Variants in XXYLT1 observed in about 807,000 individuals in gnomAD.
The protein encoded by XXYLT1 is xyloside xylosyltransferase 1.
A neutral mutation model predicts 28.9 loss-of-function variants in XXYLT1; 20 were observed. The observed-to-expected ratio is 0.69, with a 90% CI of 0.49 to 1.00. The LOEUF is 1.00. Among genes scored for constraint, XXYLT1 ranks in the 50% least tolerant of loss-of-function variants. XXYLT1 has a pLI of 0.00. For missense variants in XXYLT1, 542 were observed against 560.1 expected, an observed-to-expected ratio of 0.97 and a Z score of 0.33; for synonymous variants, 257 against 253.8, an observed-to-expected ratio of 1.01 and a Z score of -0.12.
rs557315023 is a variant in XXYLT1, at chr3:195,080,503, C to G, written c.786-10392G>C. Among the ~76,000 whole-genome samples, 19 of 150,982 alleles carry G rather than the reference C, an allele frequency of 1.3e-4. No individual in the cohort carries two copies. In the South Asian group the frequency reaches 3.8e-3, roughly 30 times the overall value. The stretch of plus-strand genomic sequence containing the variant: ...CCAGCTGGGCAGCCAGGCCCCAGCT[C>G]AGCTCCACAACCCTCCTCTTTCCCT... On this transcript the variant is annotated intron_variant, in intron 3 of 3. Transcript: ENST00000310380.
At chr3:195,155,751 C>A (rs1226455707) in intron 3 of XXYLT1, among the ~76,000 whole-genome samples, 1 of 151,928 alleles carries the variant, frequency 6.6e-6, no homozygotes, top group Non-Finnish European at 1.5e-5. Flanking sequence ...CTAAAGGTTC[C>A]AGTTTGGTTT....
chr3:195,138,510 A>G (rs1719312540), intron 3 of XXYLT1, among the ~76,000 whole-genome samples: 1 of 152,138 alleles, frequency 6.6e-6, no homozygotes, highest in African/African-American at 2.4e-5. Flanking sequence ...GAGAGGCTTT[A>G]TGGAACTGGC....
chr3:195,102,585 T>C (rs1331134543), intron 3 of XXYLT1, among the ~76,000 whole-genome samples: 1 of 152,226 alleles, frequency 6.6e-6, no homozygotes, highest in Non-Finnish European at 1.5e-5. Flanking sequence ...TTAGCAATAA[T>C]GTCCTCCAAG....
chr3:195,070,630 G>A (rs1714750212), intron 3 of XXYLT1, among the ~76,000 whole-genome samples: 1 of 152,200 alleles, frequency 6.6e-6, no homozygotes, highest in African/African-American at 2.4e-5. Context: ...AAAGGAGAAG[G>A]GAGAGAGAAG....
intron 3 of XXYLT1, among the ~76,000 whole-genome samples, chr3:195,099,232 A>C (rs2108674293): frequency 6.6e-6 from 1 of 152,196 alleles, no homozygotes; most frequent in South Asian, 2.1e-4. Context: ...GAAATAAATA[A>C]ACGTGCTCAG....
chr3:195,125,620 TC>T (rs1718577560), intron 3 of XXYLT1, among the ~76,000 whole-genome samples: 1 of 152,218 alleles, frequency 6.6e-6, no homozygotes, highest in Non-Finnish European at 1.5e-5. Flanking sequence ...CCATCAGAAC[TC>T]AAGCTCAATC....
At chr3:195,117,649 C>CA (rs1718118838) in intron 3 of XXYLT1, among the ~76,000 whole-genome samples, 1 of 148,594 alleles carries the variant, frequency 6.7e-6, no homozygotes, top group Non-Finnish European at 1.5e-5. Context: ...ATGCACCCCC[C>CA]TCTCTCACGC....
chr3:195,242,245 C>A (rs112916354), intron 1 of XXYLT1, among the ~76,000 whole-genome samples: 22 of 152,342 alleles, frequency 1.4e-4, no homozygotes, highest in African/African-American at 5.3e-4. Context: ...ATGTGCTTCT[C>A]CATCCCAGCC....
chr3:195,104,577 G>T (rs1024042881), intron 3 of XXYLT1, among the ~76,000 whole-genome samples: 3 of 152,122 alleles, frequency 2.0e-5, no homozygotes, highest in African/African-American at 7.2e-5. Context: ...CAAGGCAGTG[G>T]GGACGAGGCG....
At chr3:195,215,244 T>A in intron 2 of XXYLT1, among the ~76,000 whole-genome samples, 1 of 146,836 alleles carries the variant, frequency 6.8e-6, no homozygotes, top group Non-Finnish European at 1.5e-5. Flanking sequence ...CCATCGAGAC[T>A]AGGAAGAAAC....
intron 3 of XXYLT1, among the ~76,000 whole-genome samples, chr3:195,109,485 T>C (rs1006217982): frequency 8.5e-6 from 1 of 117,412 alleles, no homozygotes; most frequent in East Asian, 2.1e-4. Flanking sequence ...TGCATGTGTG[T>C]GTGAGGTATG....
intron 3 of XXYLT1, among the ~76,000 whole-genome samples, chr3:195,142,012 T>C (rs1334725277): frequency 6.6e-6 from 1 of 152,220 alleles, no homozygotes; most frequent in Non-Finnish European, 1.5e-5. Flanking sequence ...CAACTTTGAT[T>C]ATCTCCTTAT....
chr3:195,070,444 C>T (rs1481808775), intron 3 of XXYLT1, among the ~76,000 whole-genome samples: 1 of 152,076 alleles, frequency 6.6e-6, no homozygotes, highest in African/African-American at 2.4e-5. Flanking sequence ...TACATCATTT[C>T]ACAGCCAAGA....
At chr3:195,092,378 G>A (rs1383721947) in intron 3 of XXYLT1, among the ~76,000 whole-genome samples, 2 of 149,000 alleles carry the variant, frequency 1.3e-5, no homozygotes, top group African/African-American at 4.9e-5. Context: ...AACGCCGCAT[G>A]TCTACAACTA....
chr3:195,249,356 GGGCTCACATCAGGCATAC>G (rs929919835), intron 1 of XXYLT1, among the ~76,000 whole-genome samples: 1 of 152,226 alleles, frequency 6.6e-6, no homozygotes, highest in Middle Eastern at 3.2e-3. Context: ...AACAGGCATA[GGGCTCACATCAGGCATAC>G]GGCTCACATC....
intron 3 of XXYLT1, among the ~76,000 whole-genome samples, chr3:195,089,423 A>G (rs1577013031): frequency 6.6e-6 from 1 of 152,158 alleles, no homozygotes; most frequent in Non-Finnish European, 1.5e-5. Context: ...ATCCAGCCAA[A>G]CTAAGCTTCA....
intron 3 of XXYLT1, among the ~76,000 whole-genome samples, chr3:195,123,776 A>AG (rs1035755959): frequency 1.3e-5 from 2 of 152,132 alleles, no homozygotes; most frequent in African/African-American, 2.4e-5. Context: ...ATAATCACAA[A>AG]GGGGGGCACC....
At chr3:195,187,130 C>T (rs1419114377) in intron 2 of XXYLT1, among the ~76,000 whole-genome samples, 13 of 149,602 alleles carry the variant, frequency 8.7e-5, no homozygotes, top group East Asian at 4.1e-4. Context: ...CCCAGCTACT[C>T]GGGAGGCTGA....
chr3:195,156,942 C>A (rs1198972439), intron 2 of XXYLT1, among the ~76,000 whole-genome samples: 1 of 152,110 alleles, frequency 6.6e-6, no homozygotes, highest in East Asian at 1.9e-4. Context: ...CACCCTGCTT[C>A]CCTACATAAA....
Sources: allele counts gnomAD v4.1 joint callset (sites outside exome capture counted in the v4.1 genomes callset), GRCh38; gene constraint gnomAD v4.1.1; transcripts MANE v1.5; gene names NCBI Gene and HGNC (gene_info 2026-07-23, HGNC 2026-07-21).